CDH2: variants seen among roughly 807,000 people sequenced by gnomAD.
The protein encoded by CDH2 is cadherin-2.
A neutral mutation model predicts 92.0 loss-of-function variants in CDH2; 17 were observed. The ratio of observed to expected loss-of-function variants is 0.18; its 90% confidence interval spans 0.13 to 0.28. The LOEUF (loss-of-function observed/expected upper bound fraction) is 0.28, where lower values mean the gene tolerates loss of function less well. Among genes scored for constraint, CDH2 ranks in the 10% least tolerant of loss-of-function variants. The probability of loss-of-function intolerance (pLI) is 1.00; values close to 1 mark genes in which losing one functional copy is unlikely to be tolerated. For synonymous variants in CDH2, 419 were observed against 415.9 expected (o/e 1.01, Z -0.09); for missense variants, 862 against 1,133.1 (o/e 0.76, Z 3.44).
At chr18:27,942,331 A>G (rs1361656623) in intron 6 of CDH2, among the ~76,000 whole-genome samples, 2 of 152,226 alleles carry the variant, frequency 1.3e-5, no homozygotes, top group African/African-American at 4.8e-5. Flanking sequence ...ATAGGTAGGT[A>G]GATAAACATG....
At chr18:28,091,206 A>G (rs1235567300) in intron 2 of CDH2, among the ~76,000 whole-genome samples, 4 of 152,194 alleles carry the variant, frequency 2.6e-5, no homozygotes, top group Admixed American at 1.3e-4. Flanking sequence ...CCTACTAGAA[A>G]TTGACACTGG....
chr18:28,007,163 A>ATAT (rs1555632727), intron 5 of CDH2, among the ~76,000 whole-genome samples: 4 of 115,942 alleles, frequency 3.4e-5, no homozygotes, highest in African/African-American at 1.6e-4. Context: ...CCATAAAAAA[A>ATAT]AAATATATAT....
At chr18:27,990,945 G>T (rs2012395372) in intron 9 of CDH2, among the ~76,000 whole-genome samples, 1 of 152,156 alleles carries the variant, frequency 6.6e-6, no homozygotes, top group Admixed American at 6.6e-5. Context: ...GTAGGTGGAA[G>T]ATATTTTTCT....
At chr18:28,115,098 C>G (rs942306801) in intron 2 of CDH2, among the ~76,000 whole-genome samples, 7 of 152,074 alleles carry the variant, frequency 4.6e-5, no homozygotes, top group Non-Finnish European at 7.4e-5. Flanking sequence ...GGGCTGAGAA[C>G]CTTGGAGTGG....
At chr18:28,037,685 CT>C (rs1414732481) in intron 2 of CDH2, among the ~76,000 whole-genome samples, 1 of 152,116 alleles carries the variant, frequency 6.6e-6, no homozygotes, top group Non-Finnish European at 1.5e-5. Flanking sequence ...GAAAAAAAAT[CT>C]GTAAATTGGA....
At chr18:28,150,851 G>A (rs976239665) in intron 1 of CDH2, among the ~76,000 whole-genome samples, 2 of 152,102 alleles carry the variant, frequency 1.3e-5, no homozygotes, top group South Asian at 2.1e-4. Flanking sequence ...AATCTATAAT[G>A]TATTTTCTTA....
intron 2 of CDH2, among the ~76,000 whole-genome samples, 166 bp downstream of exon 2, chr18:28,147,507 C>A (rs2016053727): frequency 6.6e-6 from 1 of 152,080 alleles, no homozygotes; most frequent in African/African-American, 2.4e-5. Context: ...ATAAGAGATT[C>A]ATAAGCTCTT....
rs1385981241 is a variant in CDH2, at chr18:27,993,560, G to C, written c.1098C>G (p.Ala366=). 1 of 1,614,090 alleles carries C rather than the reference G, an allele frequency of 6.2e-7. No individual in the cohort carries two copies. ...GNPTYGLSNT[A]TAVITVTDVN... The stretch of plus-strand genomic sequence containing the variant: ...CATCTGTCACTGTGATGACGGCCGT[G>C]GCTGTGTTTGAAAGGCCATATGTGG... The change falls in exon 8 of 16, where the codon GCC becomes GCG. Residue 366 remains alanine (A), a synonymous_variant. Coordinates refer to ENST00000269141, the MANE Select transcript of CDH2 (RefSeq NM_001792.5).
intron 10 of CDH2, among the ~76,000 whole-genome samples, chr18:27,989,299 A>G (rs1377463173): frequency 6.6e-6 from 1 of 152,204 alleles, no homozygotes; most frequent in African/African-American, 2.4e-5. Context: ...ACTTTTAAAG[A>G]TTAGATAACC....
intron 1 of CDH2, among the ~76,000 whole-genome samples, chr18:28,164,472 C>G (rs373130492): frequency 1.0e-3 from 156 of 152,268 alleles, no homozygotes; most frequent in Non-Finnish European, 2.0e-3. Context: ...TGCATCTAAT[C>G]GTCAATAAAC....
At chr18:27,995,219 C>T (rs565533864) in intron 7 of CDH2, among the ~76,000 whole-genome samples, 1 of 142,930 alleles carries the variant, frequency 7.0e-6, no homozygotes, top group South Asian at 2.2e-4. Flanking sequence ...GAGGCTGAGG[C>T]AGGAAAATCA....
chr18:27,965,828 A>T lies in CDH2; in HGVS notation c.2350-2307T>A, dbSNP rs1220019979. On this transcript the variant is annotated intron_variant, in intron 14 of 15. Coordinates refer to ENST00000269141, the MANE Select transcript of CDH2 (RefSeq NM_001792.5). ...TGAAACCCCATCTCTACTAAAAAATACAAAAATCAGCCGGATGTGGTGGTG... is the reference window on the plus strand; with the variant it reads ...TGAAACCCCATCTCTACTAAAAAATTCAAAAATCAGCCGGATGTGGTGGTG... Among the ~76,000 whole-genome samples the T allele has an allele frequency of 2.6e-5, 4 of 152,004 alleles. No individual in the cohort carries two copies. The East Asian group carries it at 5.9e-4, about 22-fold the overall frequency.
chr18:28,009,710 A>C lies in CDH2; in HGVS notation c.702+7T>G, dbSNP rs1378816500. The C allele has an allele frequency of 6.2e-7, 1 of 1,613,090 alleles. No individual in the cohort carries two copies. Among genetic ancestry groups the C allele is most frequent in the African/African-American group, 1.3e-5 (1 of 74,896 alleles). The stretch of plus-strand genomic sequence containing the variant: ...TACACAGAATTATCAGCTGGTTGGA[A>C]TCTTACATGAAACCGGGCTATCTGC... On this transcript the variant is annotated splice_region_variant and intron_variant, in intron 5 of 15. Coordinates refer to ENST00000269141, the MANE Select transcript of CDH2 (RefSeq NM_001792.5).
At chr18:28,089,900 T>G (rs2015004956) in intron 2 of CDH2, among the ~76,000 whole-genome samples, 2 of 152,188 alleles carry the variant, frequency 1.3e-5, no homozygotes, top group South Asian at 4.1e-4. Context: ...CTCTCCACAC[T>G]TCAGATCCAT....
chr18:27,938,359 C>G (rs1327504005), intron 6 of CDH2, among the ~76,000 whole-genome samples: 1 of 152,030 alleles, frequency 6.6e-6, no homozygotes, highest in African/African-American at 2.4e-5. Flanking sequence ...GAAAACCACC[C>G]ACATAGTATT....
chr18:28,077,882 C>G (rs574748628), intron 2 of CDH2, among the ~76,000 whole-genome samples: 86 of 101,154 alleles, frequency 8.5e-4, no homozygotes, highest in African/African-American at 3.5e-3. Flanking sequence ...CAGAGTGAGA[C>G]CCTGTCTCAA....
chr18:28,101,564 A>G (rs1245174222), intron 2 of CDH2, among the ~76,000 whole-genome samples: 2 of 152,150 alleles, frequency 1.3e-5, no homozygotes, highest in African/African-American at 4.8e-5. Flanking sequence ...ATCGTCACAC[A>G]TTTCAGAATT....
intron 6 of CDH2, among the ~76,000 whole-genome samples, chr18:27,944,091 A>G (rs917171216): frequency 2.0e-5 from 3 of 152,226 alleles, no homozygotes; most frequent in African/African-American, 4.8e-5. Context: ...GAAAATAAAA[A>G]TATTCTCATT....
At chr18:27,989,537 T>G (rs986675632) in intron 10 of CDH2, among the ~76,000 whole-genome samples, 2 of 152,176 alleles carry the variant, frequency 1.3e-5, no homozygotes, top group African/African-American at 4.8e-5. Flanking sequence ...ATCACCAGCT[T>G]TGGAGAACAG....
Sources: gnomAD v4.1 joint callset for allele counts (sites outside exome capture counted in the v4.1 genomes callset) on GRCh38, gnomAD v4.1.1 for gene constraint, MANE v1.5 for transcripts, NCBI Gene and HGNC (gene_info 2026-07-23, HGNC 2026-07-21) for gene names.